Variants in TENM3 observed in about 807,000 individuals in gnomAD.
The protein encoded by TENM3 is teneurin transmembrane protein 3, also known as teneurin-3.
TENM3 carries 63 observed loss-of-function variants against 255.1 expected under a neutral mutation model. The observed-to-expected ratio is 0.25, with a 90% CI of 0.20 to 0.30. The LOEUF is 0.30. TENM3 is among the 10% of genes least tolerant of loss of function. The pLI is 1.00. For missense variants in TENM3, 2,929 were observed against 3,461.1 expected, an observed-to-expected ratio of 0.85 and a Z score of 3.86; for synonymous variants, 1,306 against 1,322.3, an observed-to-expected ratio of 0.99 and a Z score of 0.27.
At chr4:182,019,479 A>G in the TENM3 span, among the ~76,000 whole-genome samples, 2 of 152,178 alleles carry the variant, frequency 1.3e-5, no homozygotes, top group Admixed American at 6.5e-5. Context: ...CAATCCCCTC[A>G]ATTCAACACA....
chr4:181,730,614 C>A, the TENM3 span, among the ~76,000 whole-genome samples: 2 of 152,130 alleles, frequency 1.3e-5, no homozygotes, highest in East Asian at 3.9e-4. Context: ...CAGTGCAGTG[C>A]GACCAGATAG....
intron 10 of TENM3, among the ~76,000 whole-genome samples, chr4:182,681,410 A>G (rs1579098408): frequency 6.6e-6 from 1 of 152,352 alleles, no homozygotes; most frequent in East Asian, 1.9e-4. Context: ...ATTAAGAAGG[A>G]TAGAGAGTAT....
the TENM3 span, among the ~76,000 whole-genome samples, chr4:181,762,395 G>T: frequency 5.9e-5 from 9 of 152,100 alleles, no homozygotes; most frequent in African/African-American, 1.4e-4. Context: ...TTTCCCCCCT[G>T]CCCACGTCCA....
chr4:182,082,988 C>A, the TENM3 span, among the ~76,000 whole-genome samples: 1 of 152,088 alleles, frequency 6.6e-6, no homozygotes, highest in African/African-American at 2.4e-5. Context: ...AAGTGACAGT[C>A]AATTTAAATC....
the TENM3 span, among the ~76,000 whole-genome samples, chr4:181,888,514 A>ATATATACATATATG: frequency 3.6e-5 from 1 of 27,666 alleles, no homozygotes; most frequent in East Asian, 6.3e-4. Flanking sequence ...ATATATATAT[A>ATATATACATATATG]TGTATATATA....
At chr4:182,369,814 G>A (rs1405547523) in intron 3 of TENM3, among the ~76,000 whole-genome samples, 3 of 152,138 alleles carry the variant, frequency 2.0e-5, no homozygotes, top group Admixed American at 2.0e-4. Flanking sequence ...CCGGGAGGCG[G>A]TTGCAGGGAG....
At chr4:182,367,633 G>A (rs181770879) in intron 3 of TENM3, among the ~76,000 whole-genome samples, 1 of 152,240 alleles carries the variant, frequency 6.6e-6, no homozygotes, top group Admixed American at 6.5e-5. Flanking sequence ...CTGGAGAAAT[G>A]TTCCTGTAAT....
chr4:181,587,473 A>C, the TENM3 span, among the ~76,000 whole-genome samples: 8 of 152,188 alleles, frequency 5.3e-5, no homozygotes, highest in Non-Finnish European at 1.2e-4. Flanking sequence ...AGTGAGTACA[A>C]CTAATACTTC....
At chr4:181,675,397 C>T in the TENM3 span, among the ~76,000 whole-genome samples, 3 of 151,710 alleles carry the variant, frequency 2.0e-5, no homozygotes, top group South Asian at 6.3e-4. Context: ...TAGCAATATA[C>T]CTAAAAATAT....
At chr4:182,570,612 G>T (rs946220937) in intron 3 of TENM3, among the ~76,000 whole-genome samples, 2 of 152,194 alleles carry the variant, frequency 1.3e-5, no homozygotes, top group Non-Finnish European at 2.9e-5. Flanking sequence ...CACTTTGGGA[G>T]GCCAAGGCAG....
the TENM3 span, among the ~76,000 whole-genome samples, chr4:181,786,605 G>A: frequency 6.6e-6 from 1 of 152,172 alleles, no homozygotes; most frequent in Non-Finnish European, 1.5e-5. Flanking sequence ...TGTGGGCGAG[G>A]TGAGGACTGC....
chr4:181,770,328 C>T, the TENM3 span, among the ~76,000 whole-genome samples: 1,221 of 152,194 alleles, frequency 8.0e-3, 15 homozygotes, highest in African/African-American at 0.028. Flanking sequence ...TGATTAGATG[C>T]AATTTATTGT....
the TENM3 span, among the ~76,000 whole-genome samples, chr4:181,565,560 G>A: frequency 0.02 from 3,000 of 152,282 alleles, 38 homozygotes; most frequent in South Asian, 0.045. Flanking sequence ...GGATGCGGAC[G>A]AGGGCACGCA....
At chr4:181,710,286 G>C in the TENM3 span, among the ~76,000 whole-genome samples, 1 of 152,036 alleles carries the variant, frequency 6.6e-6, no homozygotes, top group Non-Finnish European at 1.5e-5. Context: ...TCAGAAAAGC[G>C]TTTTCCAGGA....
chr4:181,536,639 C>T, the TENM3 span, among the ~76,000 whole-genome samples: 3,586 of 152,172 alleles, frequency 0.024, 156 homozygotes, highest in African/African-American at 0.081. Flanking sequence ...TTATTTCTAC[C>T]ACGTCATTAG....
At chr4:181,566,493 A>G in the TENM3 span, among the ~76,000 whole-genome samples, 1 of 152,054 alleles carries the variant, frequency 6.6e-6, no homozygotes, top group Admixed American at 6.6e-5. Flanking sequence ...GGTAAGCTTG[A>G]TTTCAGGATA....
chr4:182,289,036 G>A (rs1207325686), intron 1 of TENM3, among the ~76,000 whole-genome samples: 2 of 151,830 alleles, frequency 1.3e-5, no homozygotes, highest in African/African-American at 4.8e-5. Flanking sequence ...ACTAGCCTGG[G>A]CAACACAGCA....
At position 182,445,849 on chromosome 4, in the gene TENM3, G is replaced by C. The variant is rs79810342; in HGVS notation, c.511+98920G>C. Among the ~76,000 whole-genome samples, 418 of 152,272 alleles carry C rather than the reference G, an allele frequency of 2.7e-3. 14 individuals carry two copies. The East Asian group carries it at 0.07, about 25-fold the overall frequency. On this transcript the variant is annotated intron_variant, in intron 3 of 27. Transcript: ENST00000511685. ...TCATGGAACTGTGGGGAATTCCGCA[G>C]ATCTTAGACAAGAATTGCTTAAGTT...
chr4:181,490,694 G>T, the TENM3 span, among the ~76,000 whole-genome samples: 1 of 152,036 alleles, frequency 6.6e-6, no homozygotes, highest in Non-Finnish European at 1.5e-5. Flanking sequence ...CTGCATATTG[G>T]TAAGAATTAT....
Sources: gnomAD v4.1 joint callset for allele counts (sites outside exome capture counted in the v4.1 genomes callset) on GRCh38, gnomAD v4.1.1 for gene constraint, MANE v1.5 for transcripts, NCBI Gene and HGNC (gene_info 2026-07-23, HGNC 2026-07-21) for gene names.